Variants in MYLK3 observed in about 807,000 individuals in gnomAD.
MYLK3 encodes myosin light chain kinase 3, also known as MLC kinase.
A neutral mutation model predicts 76.3 loss-of-function variants in MYLK3; 55 were observed. That is an observed-to-expected ratio of 0.72 (90% CI 0.58 to 0.90). The LOEUF (loss-of-function observed/expected upper bound fraction) is 0.90, where lower values mean the gene tolerates loss of function less well. Ranked by LOEUF, MYLK3 falls within the 40% of genes least tolerant of loss-of-function variation. MYLK3 has a pLI of 0.00. For missense variants in MYLK3, 973 were observed against 1,053.6 expected, an observed-to-expected ratio of 0.92 and a Z score of 1.06; for synonymous variants, 416 against 425.4, an observed-to-expected ratio of 0.98 and a Z score of 0.27.
chr16:46,724,113 T>A (rs1966826931), intron 8 of MYLK3, among the ~76,000 whole-genome samples: 1 of 152,246 alleles, frequency 6.6e-6, no homozygotes, highest in African/African-American at 2.4e-5. Flanking sequence ...ATTGGATAAA[T>A]ATCTATTCAA....
chr16:46,714,969 T>A (rs764920385), intron 9 of MYLK3, among the ~76,000 whole-genome samples: 1 of 152,146 alleles, frequency 6.6e-6, no homozygotes, highest in Non-Finnish European at 1.5e-5. Flanking sequence ...GTGGTGTAGA[T>A]ACCAATTTCA....
chr16:46,753,460 C>A (rs1284822560), intron 1 of MYLK3, among the ~76,000 whole-genome samples: 1 of 152,204 alleles, frequency 6.6e-6, no homozygotes, highest in Non-Finnish European at 1.5e-5. Flanking sequence ...CAACCACCCA[C>A]CCAGCTGTTA....
At chr16:46,744,485 G>A (rs1217030196) in intron 1 of MYLK3, among the ~76,000 whole-genome samples, 1 of 151,146 alleles carries the variant, frequency 6.6e-6, no homozygotes, top group African/African-American at 2.4e-5. Context: ...GGCATTACAG[G>A]TATGCGCCAC....
At chr16:46,758,300 ACACACTCTCTCTCTCTCTCT>A (rs1404345291) in intron 1 of MYLK3, among the ~76,000 whole-genome samples, 70 of 51,378 alleles carry the variant, frequency 1.4e-3, no homozygotes, top group African/African-American at 6.0e-3. Context: ...ACACACACAC[ACACACTCTCTCTCTCTCTCT>A]CTCTCTCTCT....
rs199593037 is a variant in MYLK3 at position 46,730,607 on chromosome 16, G to A, written c.1554C>T (p.His518=). 287 of 1,613,846 alleles carry A rather than the reference G, an allele frequency of 1.8e-4. No homozygotes were observed. The highest frequency in any genetic ancestry group is 2.3e-4 in the Admixed American group (14 of 59,998). ...SISAGYEVCQ[H]EVLGGGRFGQ... is the part of the protein sequence containing the mutation. Reference sequence around the variant, plus strand: ...TGCCCACCTACCCTCCCAAGACTTCGTGCTGGCACACCTCGTAACCCGCAG... The same window carrying A: ...TGCCCACCTACCCTCCCAAGACTTCATGCTGGCACACCTCGTAACCCGCAG... Residue 518 remains histidine (H), a synonymous_variant, in exon 5 of 13, where the codon CAC becomes CAT. Transcript: ENST00000394809.
upstream of MYLK3, among the ~76,000 whole-genome samples, chr16:46,751,067 G>A (rs2143017633): frequency 6.6e-6 from 1 of 151,960 alleles, no homozygotes; most frequent in African/African-American, 2.4e-5. Context: ...AAGTCTAAAT[G>A]AATCCAGAGG....
intron 1 of MYLK3, 93 bp from the exon 2 acceptor site, chr16:46,740,240 T>C: frequency 1.1e-6 from 1 of 938,490 alleles, no homozygotes; most frequent in Non-Finnish European, 1.7e-6. Context: ...TTGTTTAAGA[T>C]AAGGGCATTT....
rs1346541764 is a variant in MYLK3, at chr16:46,717,506, G to A, written c.1985+3617C>T. On this transcript the variant is annotated intron_variant, in intron 9 of 12. Coordinates refer to ENST00000394809, the MANE Select transcript of MYLK3 (RefSeq NM_182493.3). ...GCCTCGCATTCAGGATTCCCCATTA[G>A]TGCCCTCATCTTCCACTGTATGTTC... 2.6e-5 allele frequency among the ~76,000 whole-genome samples: 4 copies of A among 151,856 alleles called. No homozygotes were observed. In the East Asian group the frequency reaches 7.7e-4, roughly 29 times the overall value.
At chr16:46,734,850 G>T (rs1405467569) in intron 3 of MYLK3, among the ~76,000 whole-genome samples, 1 of 152,060 alleles carries the variant, frequency 6.6e-6, no homozygotes, top group Non-Finnish European at 1.5e-5. Context: ...CTTTTAAAAG[G>T]TTAAGATGGG....
Position 46,747,991 on chromosome 16 carries a change from T to G in MYLK3, c.203A>C (p.Glu68Ala), listed in dbSNP as rs1360314349. ...GCCCGGGCCCGGTGCCCGGGAGGCC[T>G]CCAGCCTGTGCAGGCCCCGCTCCAG... ...GHLERGLHRL[E>A]ASRAPGPGGA... The change falls in exon 1 of 13, where the codon GAG (glutamate) becomes GCG (alanine). Residue 68 changes from glutamate to alanine, a missense_variant. Glu to Ala is a moderately radical substitution (Grantham distance 107). Around this residue, in one of 2 missense-constraint regions of MYLK3, gnomAD observed 641 missense variants for 637.0 expected, o/e 1.01. Coordinates refer to ENST00000394809, the MANE Select transcript of MYLK3 (RefSeq NM_182493.3). 2 of 1,613,546 alleles carry G rather than the reference T, an allele frequency of 1.2e-6. No homozygotes were observed. Among genetic ancestry groups the G allele is most frequent in the Non-Finnish European group, 1.7e-6 (2 of 1,179,964 alleles).
chr16:46,709,443 G>GAAAAA lies in MYLK3; in HGVS notation c.2400+91_2400+95dup, dbSNP rs11420228. 8 of 1,159,708 alleles carry GAAAAA rather than the reference G, an allele frequency of 6.9e-6. No homozygotes were observed. In the African/African-American group the frequency reaches 7.2e-5, roughly 10 times the overall value. 71.8% of individuals were successfully genotyped at this position (1,159,708 alleles called of 1,614,324 possible). On this transcript the variant is annotated intron_variant, in intron 12 of 12. Coordinates refer to ENST00000394809, the MANE Select transcript of MYLK3 (RefSeq NM_182493.3). Reference sequence around the variant, plus strand: ...TCTATAAAAACAAACCCAAAAAGAAGAAAAAAAAAAAAAGAAAAGGAAACT... The same window carrying GAAAAA: ...TCTATAAAAACAAACCCAAAAAGAAGAAAAAAAAAAAAAAAAAAGAAAAGGAAACT...
intron 9 of MYLK3, among the ~76,000 whole-genome samples, chr16:46,720,268 T>A (rs1257254118): frequency 6.6e-6 from 1 of 152,254 alleles, no homozygotes; most frequent in East Asian, 1.9e-4. Context: ...GACTGGAGTG[T>A]AATAGTGTGA....
intron 8 of MYLK3, 137 bp downstream of exon 8, chr16:46,727,099 C>T: frequency 1.1e-6 from 1 of 949,048 alleles, no homozygotes; most frequent in Non-Finnish European, 1.5e-6. Flanking sequence ...TGGCCTGTCC[C>T]AGACTCCAGA....
At chr16:46,751,592 T>A (rs930107650), upstream of MYLK3, among the ~76,000 whole-genome samples, 1 of 152,048 alleles carries the variant, frequency 6.6e-6, no homozygotes, top group Non-Finnish European at 1.5e-5. Context: ...ATGGCAGGTG[T>A]TCAACATGGA....
chr16:46,757,892 G>A (rs934620641), intron 1 of MYLK3, among the ~76,000 whole-genome samples: 3 of 152,176 alleles, frequency 2.0e-5, no homozygotes, highest in African/African-American at 7.2e-5. Flanking sequence ...AGGGGCCCTG[G>A]GGATGTGCAG....
intron 9 of MYLK3, among the ~76,000 whole-genome samples, chr16:46,718,406 T>C (rs1253780207): frequency 1.3e-5 from 2 of 152,192 alleles, no homozygotes; most frequent in African/African-American, 4.8e-5. Flanking sequence ...AAATTCCTCC[T>C]GCGGTTACAC....
intron 1 of MYLK3, among the ~76,000 whole-genome samples, chr16:46,758,177 C>T (rs963273306): frequency 1.3e-5 from 2 of 151,754 alleles, no homozygotes; most frequent in African/African-American, 4.8e-5. Flanking sequence ...CCAGGGAGGG[C>T]TCCCTGGCCA....
Position 46,732,330 on chromosome 16 carries a change from T to C in MYLK3, c.1340A>G (p.Gln447Arg), listed in dbSNP as rs757321126. The C allele has an allele frequency of 1.9e-6, 3 of 1,612,674 alleles. No individual in the cohort carries two copies. The highest frequency in any genetic ancestry group is 2.5e-6 in the Non-Finnish European group (3 of 1,180,030). The change falls in exon 4 of 13, where the codon CAG (glutamine) becomes CGG (arginine). Residue 447 changes from glutamine to arginine, a missense_variant. Gln to Arg is a conservative substitution (Grantham distance 43, BLOSUM62 1). Transcript: ENST00000394809. The stretch of plus-strand genomic sequence containing the variant: ...GTTTCCCGCCCCTGGGCTTTTGCCC[T>C]GCTGCAGGCCCAGGGCCCCAACCTC... ...DHEVGALGLQ[Q>R]GKSPGAGNPE...
At position 46,707,682 on chromosome 16, in the gene MYLK3, A is replaced by G; in HGVS notation, c.*22T>C. On this transcript the variant is annotated 3_prime_UTR_variant, in exon 13 of 13. Coordinates refer to ENST00000394809, the MANE Select transcript of MYLK3 (RefSeq NM_182493.3). The stretch of plus-strand genomic sequence containing the variant: ...ACTGGCCTCAGTAATTTCTGGACCC[A>G]TTGGAGCAGCAGAGTTGAAGATTAG... 1 of 1,577,856 alleles carries G rather than the reference A, an allele frequency of 6.3e-7. No individual in the cohort carries two copies. The highest frequency in any genetic ancestry group is 8.7e-7 in the Non-Finnish European group (1 of 1,148,090).
Sources: gnomAD v4.1 joint callset for allele counts (sites outside exome capture counted in the v4.1 genomes callset) on GRCh38, gnomAD v4.1.1 for gene constraint, gnomAD v4.1.1 regional missense constraint, MANE v1.5 for transcripts, NCBI Gene and HGNC (gene_info 2026-07-23, HGNC 2026-07-21) for gene names.